GMDS: variants seen among roughly 807,000 people sequenced by gnomAD.
GMDS encodes the protein GDP-mannose 4,6 dehydratase.
In GMDS, 20 loss-of-function variants were observed where a neutral mutation model predicts 49.9. The observed-to-expected ratio is 0.40, with a 90% CI of 0.28 to 0.58. The LOEUF is 0.58. Ranked by LOEUF, GMDS falls within the 20% of genes least tolerant of loss-of-function variation. GMDS has a pLI of 0.42. For synonymous variants in GMDS, 177 were observed against 178.6 expected, an observed-to-expected ratio of 0.99 and a Z score of 0.07; for missense variants, 362 against 481.4, an observed-to-expected ratio of 0.75 and a Z score of 2.32.
chr6:1,748,851 A>G (rs1767615280), intron 7 of GMDS, among the ~76,000 whole-genome samples: 1 of 152,216 alleles, frequency 6.6e-6, no homozygotes, highest in Non-Finnish European at 1.5e-5. Flanking sequence ...TCTAGCTGCT[A>G]ATTTTTTTGA....
rs144354785 is a variant in GMDS at position 2,100,984 on chromosome 6, T to A, written c.345+14787A>T. Among the ~76,000 whole-genome samples the A allele has an allele frequency of 5.4e-3, 820 of 152,128 alleles. 4 individuals carry two copies. Among genetic ancestry groups the A allele is most frequent in the Non-Finnish European group, 9.4e-3 (638 of 67,870 alleles). On this transcript the variant is annotated intron_variant, in intron 4 of 10. Coordinates refer to ENST00000380815, the MANE Select transcript of GMDS (RefSeq NM_001500.4). ...AGTCAAAACTCTGTTAACTTCTATG[T>A]TATTATGAAAGATATTGCAATTTTT...
At chr6:2,138,005 C>T (rs1415095014) in intron 1 of GMDS, among the ~76,000 whole-genome samples, 4 of 152,100 alleles carry the variant, frequency 2.6e-5, no homozygotes, top group African/African-American at 9.7e-5. Context: ...ATACAGAATT[C>T]GGTCTAAGAG....
intron 7 of GMDS, among the ~76,000 whole-genome samples, chr6:1,811,742 T>TATTAA (rs1207226624): frequency 6.6e-6 from 1 of 152,188 alleles, no homozygotes; most frequent in African/African-American, 2.4e-5. Context: ...CACTCCACGT[T>TATTAA]TAATGACAGT....
At chr6:1,912,196 T>C (rs1380496074) in intron 7 of GMDS, among the ~76,000 whole-genome samples, 2 of 151,950 alleles carry the variant, frequency 1.3e-5, no homozygotes, top group East Asian at 3.9e-4. Flanking sequence ...TGAAACTCTG[T>C]CTCTACTAAA....
At chr6:1,827,982 T>C (rs532423879) in intron 7 of GMDS, among the ~76,000 whole-genome samples, 5 of 152,176 alleles carry the variant, frequency 3.3e-5, no homozygotes, top group African/African-American at 1.2e-4. Context: ...AAGCCTAAAC[T>C]TTGGACTTAC....
intron 4 of GMDS, among the ~76,000 whole-genome samples, chr6:1,991,726 C>A (rs747773662): frequency 2.0e-5 from 3 of 152,164 alleles, no homozygotes; most frequent in Non-Finnish European, 2.9e-5. Context: ...AGTGTCCCCC[C>A]AGAAAAGACA....
intron 6 of GMDS, among the ~76,000 whole-genome samples, chr6:1,950,608 T>C (rs1163542423): frequency 1.3e-5 from 2 of 152,226 alleles, no homozygotes; most frequent in Non-Finnish European, 2.9e-5. Flanking sequence ...ACGTAAATGT[T>C]TGCTAAAGTT....
intron 1 of GMDS, among the ~76,000 whole-genome samples, chr6:2,230,373 C>T (rs1336516723): frequency 6.6e-6 from 1 of 152,188 alleles, no homozygotes; most frequent in Non-Finnish European, 1.5e-5. Flanking sequence ...TCTTCAAAGA[C>T]CTAAGCAGTA....
At chr6:2,137,075 A>G (rs1271463962) in intron 1 of GMDS, among the ~76,000 whole-genome samples, 2 of 152,142 alleles carry the variant, frequency 1.3e-5, no homozygotes, top group Non-Finnish European at 2.9e-5. Flanking sequence ...ACAACTCTAA[A>G]TTTATCAGTA....
chr6:1,810,134 C>G lies in GMDS; in HGVS notation c.772-67548G>C, dbSNP rs148279528. Reference sequence around the variant, plus strand: ...AGCCCTGCCCTCCCCTAGAGGAGCTCACATTCCAGAGGAGAGGGAGCTGGC... The same window carrying G: ...AGCCCTGCCCTCCCCTAGAGGAGCTGACATTCCAGAGGAGAGGGAGCTGGC... On this transcript the variant is annotated intron_variant, in intron 7 of 10. Coordinates refer to ENST00000380815, the MANE Select transcript of GMDS (RefSeq NM_001500.4). Among the ~76,000 whole-genome samples, 155 of 152,196 alleles carry G rather than the reference C, an allele frequency of 1.0e-3. No individual in the cohort carries two copies. In the East Asian group the frequency reaches 0.017, roughly 17 times the overall value.
chr6:1,904,914 CGT>C (rs1157757255), intron 7 of GMDS, among the ~76,000 whole-genome samples: 2 of 152,038 alleles, frequency 1.3e-5, no homozygotes, highest in Non-Finnish European at 2.9e-5. Context: ...TCAGAGGCAA[CGT>C]TAAGTTCCTT....
intron 6 of GMDS, among the ~76,000 whole-genome samples, chr6:1,951,007 A>T (rs1763312929): frequency 6.6e-6 from 1 of 152,152 alleles, no homozygotes; most frequent in African/African-American, 2.4e-5. Flanking sequence ...CTCCGTTGGG[A>T]CAAGAAAAAT....
At chr6:2,062,971 T>C (rs527324032) in intron 4 of GMDS, among the ~76,000 whole-genome samples, 1 of 152,140 alleles carries the variant, frequency 6.6e-6, no homozygotes, top group South Asian at 2.1e-4. Context: ...GAACAGTAGC[T>C]ACAGCATTAC....
intron 7 of GMDS, among the ~76,000 whole-genome samples, chr6:1,820,364 A>T (rs908444989): frequency 2.0e-5 from 3 of 152,224 alleles, no homozygotes; most frequent in South Asian, 2.1e-4. Context: ...TCAAACAAAA[A>T]TTCCAGGAAA....
chr6:2,039,794 G>A (rs1769544529), intron 4 of GMDS, among the ~76,000 whole-genome samples: 1 of 152,052 alleles, frequency 6.6e-6, no homozygotes, highest in Non-Finnish European at 1.5e-5. Flanking sequence ...GCCTAAAGCT[G>A]TTTTATAGTT....
intron 4 of GMDS, among the ~76,000 whole-genome samples, chr6:2,078,150 T>A (rs1772456753): frequency 6.6e-6 from 1 of 152,036 alleles, no homozygotes; most frequent in Non-Finnish European, 1.5e-5. Context: ...CTGATTTATG[T>A]GGGTCATCTC....
At chr6:1,761,594 T>C (rs1768158848) in intron 7 of GMDS, among the ~76,000 whole-genome samples, 1 of 152,234 alleles carries the variant, frequency 6.6e-6, no homozygotes, top group African/African-American at 2.4e-5. Flanking sequence ...TTCACATGCA[T>C]TTCATGTGAA....
intron 2 of GMDS, among the ~76,000 whole-genome samples, chr6:2,123,368 T>G (rs983254859): frequency 1.3e-5 from 2 of 152,042 alleles, no homozygotes; most frequent in Non-Finnish European, 2.9e-5. Context: ...CTGACATGCC[T>G]GACACGCCAC....
At chr6:1,842,745 A>AG (rs1757203622) in intron 7 of GMDS, among the ~76,000 whole-genome samples, 1 of 152,212 alleles carries the variant, frequency 6.6e-6, no homozygotes, top group Non-Finnish European at 1.5e-5. Context: ...GGGTGGGGAT[A>AG]GGGGATAAAC....
Sources: gnomAD v4.1 joint callset for allele counts (sites outside exome capture counted in the v4.1 genomes callset) on GRCh38, gnomAD v4.1.1 for gene constraint, MANE v1.5 for transcripts, NCBI Gene and HGNC (gene_info 2026-07-23, HGNC 2026-07-21) for gene names.